ARHGAP8: variants seen among roughly 807,000 people sequenced by gnomAD.
ARHGAP8 encodes the protein rho GTPase-activating protein 8.
In ARHGAP8, 62 loss-of-function variants were observed where a neutral mutation model predicts 46.1. The observed-to-expected ratio is 1.34, with a 90% CI of 1.10 to 1.66. ARHGAP8 has a LOEUF of 1.66. Among genes scored for constraint, ARHGAP8 ranks in the 40% most tolerant of loss-of-function variants. The pLI, the probability that ARHGAP8 is intolerant of heterozygous loss-of-function variation, is 0.00. For missense variants in ARHGAP8, 923 were observed against 568.4 expected (o/e 1.62, Z -6.34); for synonymous variants, 375 against 243.1 (o/e 1.54, Z -5.05).
chr22:44,848,896 G>C (rs1343944366), intron 9 of ARHGAP8, 36 bp from the exon 10 acceptor site: 26 of 1,611,440 alleles, frequency 1.6e-5, no homozygotes, highest in Non-Finnish European at 2.2e-5. Flanking sequence ...CCCAGGCCGG[G>C]GTGCAGACCT....
At chr22:44,777,618 CTT>C (rs132480) in intron 1 of ARHGAP8, among the ~76,000 whole-genome samples, 7,905 of 150,070 alleles carry the variant, frequency 0.053, 253 homozygotes, top group African/African-American at 0.073. Flanking sequence ...TCTGCAGCTG[CTT>C]TTTTTTTTCT....
chr22:44,838,231 G>A (rs894508422), intron 7 of ARHGAP8, among the ~76,000 whole-genome samples: 3 of 151,438 alleles, frequency 2.0e-5, no homozygotes, highest in Admixed American at 6.6e-5. Context: ...TCCGCCTCCC[G>A]GGTTCAAGCA....
intron 7 of ARHGAP8, among the ~76,000 whole-genome samples, chr22:44,844,705 C>T (rs2187794): frequency 0.06 from 9,130 of 152,216 alleles, 658 homozygotes; most frequent in East Asian, 0.38. Context: ...TCAAGTGATC[C>T]GCCTGCCTTG....
At chr22:44,855,189 G>A (rs755758930) in intron 10 of ARHGAP8, among the ~76,000 whole-genome samples, 2 of 152,022 alleles carry the variant, frequency 1.3e-5, no homozygotes, top group East Asian at 1.9e-4. Flanking sequence ...ACATACATGC[G>A]TAGACATAAC....
chr22:44,787,635 G>A (rs1461206395), intron 2 of ARHGAP8, among the ~76,000 whole-genome samples: 1 of 152,048 alleles, frequency 6.6e-6, no homozygotes, highest in Non-Finnish European at 1.5e-5. Flanking sequence ...GTGAGCCACC[G>A]TGCCCGGCCT....
At chr22:44,815,272 C>G (rs541406773) in intron 5 of ARHGAP8, among the ~76,000 whole-genome samples, 1 of 152,178 alleles carries the variant, frequency 6.6e-6, no homozygotes, top group Non-Finnish European at 1.5e-5. Flanking sequence ...TGGCTGGCCG[C>G]GGAAGCTCAC....
chr22:44,804,339 A>G (rs1172617704), intron 3 of ARHGAP8, among the ~76,000 whole-genome samples: 1 of 151,976 alleles, frequency 6.6e-6, no homozygotes, highest in Non-Finnish European at 1.5e-5. Flanking sequence ...GAGAGTTGGC[A>G]AAATAGCGAG....
At chr22:44,836,058 C>T (rs1205357587) in intron 7 of ARHGAP8, among the ~76,000 whole-genome samples, 5 of 152,102 alleles carry the variant, frequency 3.3e-5, no homozygotes, top group Non-Finnish European at 4.4e-5. Context: ...TGGGGACTGA[C>T]CTCACTAAGG....
chr22:44,770,662 T>C (rs1203309563), intron 1 of ARHGAP8, among the ~76,000 whole-genome samples: 2 of 152,128 alleles, frequency 1.3e-5, no homozygotes, highest in Admixed American at 6.5e-5. Context: ...CACTTTGGCC[T>C]CCCAAAGTGC....
intron 10 of ARHGAP8, among the ~76,000 whole-genome samples, chr22:44,857,851 G>C (rs1467153762): frequency 2.0e-5 from 3 of 152,142 alleles, no homozygotes; most frequent in African/African-American, 4.8e-5. Flanking sequence ...TTGACCTCTT[G>C]CTCCCTCATA....
intron 1 of ARHGAP8, among the ~76,000 whole-genome samples, chr22:44,773,234 C>A (rs1268841798): frequency 6.6e-6 from 1 of 152,106 alleles, no homozygotes; most frequent in Non-Finnish European, 1.5e-5. Flanking sequence ...TCAAATTTAT[C>A]TAGATTGTTG....
intron 2 of ARHGAP8, 82 bp downstream of exon 2, chr22:44,786,688 CAG>C (rs1312112563): frequency 1.3e-6 from 2 of 1,509,566 alleles, no homozygotes; most frequent in Non-Finnish European, 1.8e-6. Flanking sequence ...GTGGGCTCGT[CAG>C]GGGCTGCCTC....
chr22:44,848,381 C>T (rs1375827191), intron 9 of ARHGAP8, among the ~76,000 whole-genome samples: 1 of 152,246 alleles, frequency 6.6e-6, no homozygotes, highest in African/African-American at 2.4e-5. Context: ...TCTGGCAGCT[C>T]CCCCGAATTG....
chr22:44,862,546 A>G lies in ARHGAP8; in HGVS notation c.1253A>G (p.Lys418Arg), dbSNP rs201231949. 1.2e-6 allele frequency: 2 copies of G among 1,603,776 alleles called. No homozygotes were observed. The highest frequency in any genetic ancestry group is 1.1e-5 in the South Asian group (1 of 90,742). The change falls in exon 12 of 12, where the codon AAG (lysine) becomes AGG (arginine). Residue 418 changes from lysine (K) to arginine (R), a missense_variant. Physicochemically the swap from Lys to Arg is conservative, Grantham distance 26. Transcript: ENST00000356099. ...VPRTQATGLTKPTLPPSPLMA... is the reference protein window; with the variant it reads ...VPRTQATGLTRPTLPPSPLMA... ...CGGACACAAGCCACGGGCCTCACCA[A>G]GCCTACCCTACCTCCGAGTCCCCTG...
At chr22:44,759,282 G>A (rs1351803932) in intron 1 of ARHGAP8, among the ~76,000 whole-genome samples, 2 of 152,162 alleles carry the variant, frequency 1.3e-5, no homozygotes, top group African/African-American at 4.8e-5. Flanking sequence ...CACAGTGATG[G>A]GTCAAGAAGA....
intron 1 of ARHGAP8, among the ~76,000 whole-genome samples, chr22:44,767,152 A>G (rs1426983272): frequency 4.6e-5 from 7 of 152,198 alleles, no homozygotes. Flanking sequence ...TTCTCTGATA[A>G]GTGGGGAAGT....
intron 3 of ARHGAP8, among the ~76,000 whole-genome samples, chr22:44,803,343 G>T (rs970372132): frequency 2.6e-5 from 4 of 152,140 alleles, no homozygotes; most frequent in African/African-American, 9.7e-5. Context: ...CATTCAGAAG[G>T]GGAGGTCTCA....
chr22:44,767,984 CTTTTTTTTTTT>C (rs1167255172), intron 1 of ARHGAP8, among the ~76,000 whole-genome samples: 6 of 47,228 alleles, frequency 1.3e-4, no homozygotes, highest in African/African-American at 1.8e-4. Context: ...CGCATGATGT[CTTTTTTTTTTT>C]TTTTTTTTTT....
At chr22:44,861,814 C>T (rs2070500578) in intron 11 of ARHGAP8, among the ~76,000 whole-genome samples, 2 of 152,290 alleles carry the variant, frequency 1.3e-5, no homozygotes, top group South Asian at 4.1e-4. Flanking sequence ...CGGAGATGGA[C>T]AAGGAGCCCC....
Sources: gnomAD v4.1 joint callset for allele counts (sites outside exome capture counted in the v4.1 genomes callset) on GRCh38, gnomAD v4.1.1 for gene constraint, MANE v1.5 for transcripts, NCBI Gene and HGNC (gene_info 2026-07-23, HGNC 2026-07-21) for gene names.